UBAC2: variants seen among roughly 807,000 people sequenced by gnomAD.
UBAC2 encodes ubiquitin-associated domain-containing protein 2.
In UBAC2, 26 loss-of-function variants were observed where a neutral mutation model predicts 44.0. That is an observed-to-expected ratio of 0.59 (90% CI 0.43 to 0.82). UBAC2 has a LOEUF of 0.82. UBAC2 is among the 40% of genes least tolerant of loss of function. The pLI is 0.00. For synonymous variants in UBAC2, 155 were observed against 154.3 expected, an observed-to-expected ratio of 1.00 and a Z score of -0.04; for missense variants, 329 against 419.4, an observed-to-expected ratio of 0.78 and a Z score of 1.88.
chr13:99,247,302 C>A (rs1416796412), intron 4 of UBAC2, among the ~76,000 whole-genome samples: 5 of 151,806 alleles, frequency 3.3e-5, no homozygotes, highest in Non-Finnish European at 7.4e-5. Flanking sequence ...GCAAGCTCCG[C>A]CTCCCCGGTT....
chr13:99,331,129 C>A (rs1328852503), intron 6 of UBAC2, among the ~76,000 whole-genome samples: 1 of 152,252 alleles, frequency 6.6e-6, no homozygotes, highest in Non-Finnish European at 1.5e-5. Context: ...GCCTCTCAGT[C>A]TGACCACTGG....
chr13:99,287,643 CTTTTTTTTT>C (rs11304203), intron 4 of UBAC2, among the ~76,000 whole-genome samples: 27 of 95,162 alleles, frequency 2.8e-4, no homozygotes, highest in African/African-American at 1.0e-3. Flanking sequence ...TTTTTTCTTT[CTTTTTTTTT>C]TTTTTTTTTT....
chr13:99,337,092 G>A (rs766442144), intron 6 of UBAC2, among the ~76,000 whole-genome samples: 13 of 152,154 alleles, frequency 8.5e-5, no homozygotes, highest in Non-Finnish European at 1.8e-4. Flanking sequence ...CGTGTTTTCA[G>A]GCTTTGGGTC....
intron 7 of UBAC2, among the ~76,000 whole-genome samples, chr13:99,354,658 A>G (rs2045149087): frequency 6.6e-6 from 1 of 152,110 alleles, no homozygotes; most frequent in Admixed American, 6.5e-5. Context: ...TTAGGATGTA[A>G]TTTAGAGAAG....
At chr13:99,248,161 C>T (rs1297553967) in intron 4 of UBAC2, among the ~76,000 whole-genome samples, 1 of 152,000 alleles carries the variant, frequency 6.6e-6, no homozygotes, top group Non-Finnish European at 1.5e-5. Context: ...GTTTGCTTCC[C>T]AGCTGTCTAT....
intron 1 of UBAC2, among the ~76,000 whole-genome samples, chr13:99,238,111 C>T (rs533554227): frequency 6.6e-6 from 1 of 152,326 alleles, no homozygotes; most frequent in East Asian, 1.9e-4. Context: ...TAGAAACACA[C>T]TTCTCTATTT....
At chr13:99,207,338 A>G (rs953547728) in intron 1 of UBAC2, among the ~76,000 whole-genome samples, 3 of 152,222 alleles carry the variant, frequency 2.0e-5, no homozygotes, top group Non-Finnish European at 4.4e-5. Flanking sequence ...ACTCAGGTTT[A>G]AGTAGTATTA....
intron 6 of UBAC2, among the ~76,000 whole-genome samples, chr13:99,340,058 A>C (rs1927724): frequency 0.26 from 39,587 of 152,068 alleles, 5,909 homozygotes; most frequent in African/African-American, 0.41. Context: ...CTTTTACCAG[A>C]ACTTTGAATA....
chr13:99,298,848 G>A (rs1002209329), intron 4 of UBAC2, among the ~76,000 whole-genome samples: 6 of 152,222 alleles, frequency 3.9e-5, no homozygotes, highest in African/African-American at 1.4e-4. Context: ...TTCCAGGCAA[G>A]GGTTGCAGCT....
At chr13:99,368,058 T>G in intron 8 of UBAC2, 152 bp downstream of exon 8, 1 of 997,124 alleles carries the variant, frequency 1.0e-6, no homozygotes, top group Non-Finnish European at 1.4e-6. Context: ...TTTGGGCTTT[T>G]TTTTGGCTAT....
At chr13:99,311,128 C>T (rs1430202033) in intron 4 of UBAC2, among the ~76,000 whole-genome samples, 1 of 152,198 alleles carries the variant, frequency 6.6e-6, no homozygotes, top group Non-Finnish European at 1.5e-5. Context: ...ATGCCAGGCA[C>T]AATTCTAGAC....
intron 4 of UBAC2, among the ~76,000 whole-genome samples, chr13:99,257,435 A>G (rs937075782): frequency 2.0e-5 from 3 of 152,060 alleles, no homozygotes; most frequent in African/African-American, 4.8e-5. Flanking sequence ...TCATCCTTCA[A>G]TTTTGTGACA....
At chr13:99,236,840 A>C (rs765470477) in intron 1 of UBAC2, among the ~76,000 whole-genome samples, 1 of 151,902 alleles carries the variant, frequency 6.6e-6, no homozygotes, top group Non-Finnish European at 1.5e-5. Context: ...AAAGAGCAAA[A>C]CTCTGTCTCA....
intron 4 of UBAC2, among the ~76,000 whole-genome samples, chr13:99,282,335 A>C (rs570169681): frequency 1.2e-4 from 19 of 152,328 alleles, no homozygotes; most frequent in African/African-American, 4.6e-4. Context: ...TGACCTAGGA[A>C]GCTTGTTGAG....
chr13:99,363,652 T>G (rs1056647664), intron 7 of UBAC2, among the ~76,000 whole-genome samples: 1 of 152,248 alleles, frequency 6.6e-6, no homozygotes, highest in African/African-American at 2.4e-5. Context: ...ATATTCCCTT[T>G]CTGCTGACAT....
chr13:99,338,114 G>GCGGCACAATCTCGA (rs2044827728), intron 6 of UBAC2, among the ~76,000 whole-genome samples: 1 of 126,604 alleles, frequency 7.9e-6, no homozygotes, highest in African/African-American at 3.1e-5. Flanking sequence ...CTGGAGTGCA[G>GCGGCACAATCTCGA]CGGCACAATC....
intron 1 of UBAC2, among the ~76,000 whole-genome samples, chr13:99,207,993 C>CTTTTTTTTT (rs369860759): frequency 9.1e-6 from 1 of 109,512 alleles, no homozygotes; most frequent in African/African-American, 3.9e-5. Context: ...CTCATCGTCT[C>CTTTTTTTTT]TTTTTTTTTT....
chr13:99,296,516 A>G (rs1206840097), intron 4 of UBAC2, among the ~76,000 whole-genome samples: 3 of 152,128 alleles, frequency 2.0e-5, no homozygotes, highest in African/African-American at 7.2e-5. Flanking sequence ...CCTTTTTTGA[A>G]TCATTGTCTG....
At chr13:99,274,687 C>G (rs1250561355) in intron 4 of UBAC2, among the ~76,000 whole-genome samples, 1 of 150,676 alleles carries the variant, frequency 6.6e-6, no homozygotes, top group Non-Finnish European at 1.5e-5. Flanking sequence ...AGTACAAATA[C>G]TGTTATTATG....
Sources: allele counts gnomAD v4.1 joint callset (sites outside exome capture counted in the v4.1 genomes callset), GRCh38; gene constraint gnomAD v4.1.1; transcripts MANE v1.5; gene names NCBI Gene and HGNC (gene_info 2026-07-23, HGNC 2026-07-21).